Variants in CSGALNACT1 observed in about 807,000 individuals in gnomAD.
CSGALNACT1 encodes the protein chondroitin sulfate N-acetylgalactosaminyltransferase 1.
CSGALNACT1 carries 52 observed loss-of-function variants against 51.0 expected under a neutral mutation model. The observed-to-expected ratio is 1.02, with a 90% CI of 0.82 to 1.29. CSGALNACT1 has a LOEUF of 1.29. Among genes scored for constraint, CSGALNACT1 ranks in the 50% most tolerant of loss-of-function variants. The pLI, the probability that CSGALNACT1 is intolerant of heterozygous loss-of-function variation, is 0.00. For missense variants in CSGALNACT1, 935 were observed against 679.2 expected (o/e 1.38, Z -4.19); for synonymous variants, 341 against 254.4 (o/e 1.34, Z -3.24).
At chr8:19,705,888 G>A (rs1371441977) in intron 1 of CSGALNACT1, among the ~76,000 whole-genome samples, 4 of 152,032 alleles carry the variant, frequency 2.6e-5, no homozygotes, top group East Asian at 1.9e-4. Context: ...CTGAATAATC[G>A]AATGACAGGG....
intron 1 of CSGALNACT1, among the ~76,000 whole-genome samples, chr8:19,727,666 G>T (rs564144676): frequency 6.6e-6 from 1 of 152,278 alleles, no homozygotes; most frequent in South Asian, 2.1e-4. Context: ...CTATCAAGAC[G>T]GTGATATTCT....
intron 1 of CSGALNACT1, among the ~76,000 whole-genome samples, chr8:19,750,447 G>T (rs1459660866): frequency 6.6e-6 from 1 of 152,200 alleles, no homozygotes; most frequent in African/African-American, 2.4e-5. Flanking sequence ...GGAAGGGAGA[G>T]GTTGAGAGGA....
intron 1 of CSGALNACT1, among the ~76,000 whole-genome samples, chr8:19,723,225 T>C (rs546103678): frequency 1.3e-5 from 2 of 152,238 alleles, no homozygotes; most frequent in African/African-American, 4.8e-5. Flanking sequence ...CAAGCCCTTA[T>C]ATTTGAAGGA....
chr8:19,751,600 G>T lies in CSGALNACT1; in HGVS notation c.-297+6250C>A, dbSNP rs531890074. Among the ~76,000 whole-genome samples the T allele has an allele frequency of 7.5e-4, 114 of 152,176 alleles. No homozygotes were observed. In the South Asian group the frequency reaches 0.023, roughly 31 times the overall value. On this transcript the variant is annotated intron_variant, in intron 1 of 1. Coordinates refer to the CSGALNACT1 transcript ENST00000517494. ...ACAACCAACAGTTATATATTGATAT[G>T]GTTGGGTTCTATGCCCCCACCGAAA...
chr8:19,713,991 G>A (rs2062660358), intron 1 of CSGALNACT1, among the ~76,000 whole-genome samples: 1 of 152,180 alleles, frequency 6.6e-6, no homozygotes, highest in African/African-American at 2.4e-5. Context: ...CTCAATGGAT[G>A]CATGGCACTG....
intron 1 of CSGALNACT1, among the ~76,000 whole-genome samples, chr8:19,670,990 CA>C (rs1311807624): frequency 2.0e-5 from 3 of 152,112 alleles, no homozygotes; most frequent in African/African-American, 7.2e-5. Context: ...AGTCAAAACT[CA>C]AACTGACATT....
At chr8:19,476,688 G>A (rs2069754263) in intron 4 of CSGALNACT1, among the ~76,000 whole-genome samples, 1 of 152,130 alleles carries the variant, frequency 6.6e-6, no homozygotes, top group African/African-American at 2.4e-5. Flanking sequence ...GGAATATTTT[G>A]TTTTGGAACC....
At position 19,757,220 on chromosome 8, in the gene CSGALNACT1, G is replaced by A. The variant is rs1363558935; in HGVS notation, c.-297+630C>T. The A allele has an allele frequency of 6.7e-6, 1 of 149,744 alleles. No homozygotes were observed. The highest frequency in any genetic ancestry group is 1.9e-4 in the East Asian group (1 of 5,158). The allele number at this position is 149,744 out of a possible 1,614,324, so 9.3% of individuals were successfully genotyped here. A position where few individuals can be genotyped will look rare whatever the true frequency, so the allele number is the denominator to read the frequency against. On this transcript the variant is annotated intron_variant, in intron 1 of 1. Coordinates refer to the CSGALNACT1 transcript ENST00000517494. The surrounding 1 kb of genome is among the most constrained non-coding windows in gnomAD (Gnocchi z 4.0). ...CCTGCTAGCTGCCCGGCCCGGCTCC[G>A]GCCGCTGCCGCCGTCGCTGAACTTT...
At chr8:19,423,806 A>G (rs985885849) in intron 6 of CSGALNACT1, among the ~76,000 whole-genome samples, 4 of 152,200 alleles carry the variant, frequency 2.6e-5, no homozygotes, top group African/African-American at 9.7e-5. Context: ...TTCTACAAGG[A>G]AAAGACAATG....
At chr8:19,701,559 A>G (rs1227015670) in intron 1 of CSGALNACT1, among the ~76,000 whole-genome samples, 1 of 152,172 alleles carries the variant, frequency 6.6e-6, no homozygotes, top group Non-Finnish European at 1.5e-5. Flanking sequence ...CACACAGTGG[A>G]AGGTCTGTCA....
At chr8:19,500,294 TCCTG>T (rs2076199855) in intron 4 of CSGALNACT1, among the ~76,000 whole-genome samples, 2 of 152,138 alleles carry the variant, frequency 1.3e-5, no homozygotes, top group African/African-American at 4.8e-5. Context: ...CCTTTTGCTG[TCCTG>T]CCTGTGAGTC....
intron 1 of CSGALNACT1, among the ~76,000 whole-genome samples, chr8:19,665,227 C>T (rs111599422): frequency 9.9e-5 from 15 of 152,124 alleles, no homozygotes; most frequent in African/African-American, 3.6e-4. Context: ...TAAATTTATA[C>T]AAAATCAAAG....
At chr8:19,715,425 C>G (rs189012724) in intron 1 of CSGALNACT1, among the ~76,000 whole-genome samples, 1 of 152,282 alleles carries the variant, frequency 6.6e-6, no homozygotes, top group East Asian at 1.9e-4. Context: ...TAATGTCCTC[C>G]ACCTCCACCA....
At chr8:19,442,323 T>C (rs2061442213) in intron 5 of CSGALNACT1, among the ~76,000 whole-genome samples, 1 of 152,114 alleles carries the variant, frequency 6.6e-6, no homozygotes, top group Non-Finnish European at 1.5e-5. Flanking sequence ...CCAACCCAAA[T>C]GTCCAACAAT....
At chr8:19,530,740 T>C (rs1002509599) in intron 3 of CSGALNACT1, among the ~76,000 whole-genome samples, 6 of 152,082 alleles carry the variant, frequency 3.9e-5, no homozygotes, top group Admixed American at 2.0e-4. Context: ...CATAAAGGAA[T>C]AGAAAAGGAA....
chr8:19,746,117 G>T (rs749093316), intron 1 of CSGALNACT1, among the ~76,000 whole-genome samples: 1 of 152,152 alleles, frequency 6.6e-6, no homozygotes, highest in Non-Finnish European at 1.5e-5. Flanking sequence ...TTATTCAAAA[G>T]AAGCAATAAA....
chr8:19,443,021 C>A (rs1287931569), intron 5 of CSGALNACT1, among the ~76,000 whole-genome samples: 1 of 152,154 alleles, frequency 6.6e-6, no homozygotes, highest in African/African-American at 2.4e-5. Flanking sequence ...TCTAACGATC[C>A]CAGGCACCGA....
At chr8:19,446,754 G>C (rs2062190294) in intron 5 of CSGALNACT1, among the ~76,000 whole-genome samples, 1 of 152,126 alleles carries the variant, frequency 6.6e-6, no homozygotes, top group African/African-American at 2.4e-5. Flanking sequence ...CCTCGGGTGA[G>C]CCACTCGCCT....
chr8:19,542,542 G>C (rs1198598954), intron 3 of CSGALNACT1, among the ~76,000 whole-genome samples: 1 of 152,062 alleles, frequency 6.6e-6, no homozygotes, highest in Non-Finnish European at 1.5e-5. Flanking sequence ...CCCAGGTTCT[G>C]AGTGACACCC....
Sources: gnomAD v4.1 joint callset for allele counts (sites outside exome capture counted in the v4.1 genomes callset) on GRCh38, gnomAD v4.1.1 for gene constraint, Gnocchi (gnomAD v3.1) non-coding constraint, MANE v1.5 for transcripts, NCBI Gene and HGNC (gene_info 2026-07-23, HGNC 2026-07-21) for gene names.